Variants in CDH8 observed in about 807,000 individuals in gnomAD.
CDH8 encodes cadherin-8.
Under a neutral mutation model 68.1 loss-of-function variants are expected in CDH8, and 17 were observed. The observed-to-expected ratio is 0.25, with a 90% CI of 0.17 to 0.37. The LOEUF is 0.37. Ranked by LOEUF, CDH8 falls within the 10% of genes least tolerant of loss-of-function variation. The probability of loss-of-function intolerance (pLI) is 1.00; values close to 1 mark genes in which losing one functional copy is unlikely to be tolerated. For missense variants in CDH8, 763 were observed against 999.3 expected (o/e 0.76, Z 3.19); for synonymous variants, 372 against 365.1 (o/e 1.02, Z -0.21).
chr16:61,706,051 G>GA (rs1243780315), intron 10 of CDH8, among the ~76,000 whole-genome samples: 4 of 152,048 alleles, frequency 2.6e-5, no homozygotes, highest in East Asian at 3.9e-4. Context: ...ATGAATAAGG[G>GA]AAAAAAAGAT....
Position 61,652,201 on chromosome 16 carries a change from T to C in CDH8, c.*1407A>G. The C allele has an allele frequency of 1.0e-6, 1 of 982,372 alleles. No individual in the cohort carries two copies. The highest frequency in any genetic ancestry group is 1.2e-6 in the Non-Finnish European group (1 of 827,164). 60.9% of individuals were successfully genotyped at this position (982,372 alleles called of 1,614,324 possible). ...GGTTTGCATTACAAATTAAATATGC[T>C]CACATCTTCTAGTGCTGTTCCTTTT... On this transcript the variant is annotated 3_prime_UTR_variant, in exon 12 of 12. Coordinates refer to ENST00000577390, the MANE Select transcript of CDH8 (RefSeq NM_001796.5).
rs369895823 is a variant in CDH8, at chr16:61,789,880, G to A, written c.1278-398C>T. Among the ~76,000 whole-genome samples the A allele has an allele frequency of 3.2e-4, 49 of 152,050 alleles. 1 individual carries two copies. The South Asian group carries it at 0.01, about 32-fold the overall frequency. On this transcript the variant is annotated intron_variant, in intron 7 of 11. Transcript: ENST00000577390. ...AAGATGGCACTAGGCAGCATGTTAC[G>A]TATGTCCATTCAAATAAAACATGTA...
At chr16:61,742,441 T>A (rs1168660215) in intron 8 of CDH8, among the ~76,000 whole-genome samples, 1 of 152,102 alleles carries the variant, frequency 6.6e-6, no homozygotes, top group African/African-American at 2.4e-5. Context: ...GTGAGAAAGG[T>A]TTCAGCATTT....
At chr16:61,933,851 G>T (rs1964585409) in intron 2 of CDH8, among the ~76,000 whole-genome samples, 2 of 152,178 alleles carry the variant, frequency 1.3e-5, no homozygotes, top group South Asian at 4.1e-4. Context: ...TTCCCAAAGA[G>T]AGATACATAT....
intron 10 of CDH8, among the ~76,000 whole-genome samples, chr16:61,691,295 C>T (rs994069768): frequency 6.6e-6 from 1 of 151,960 alleles, no homozygotes; most frequent in Admixed American, 6.6e-5. Context: ...ATGCCTAGGC[C>T]ATTGCTGCAC....
intron 10 of CDH8, among the ~76,000 whole-genome samples, chr16:61,673,910 T>C (rs1963844946): frequency 6.6e-6 from 1 of 152,062 alleles, no homozygotes; most frequent in African/African-American, 2.4e-5. Context: ...TATGATAAGG[T>C]TCATGAATCT....
At chr16:61,987,375 C>T (rs1391883916) in intron 2 of CDH8, among the ~76,000 whole-genome samples, 2 of 151,942 alleles carry the variant, frequency 1.3e-5, no homozygotes, top group Non-Finnish European at 2.9e-5. Context: ...GGCATGGTGG[C>T]GGGTGTCTGT....
chr16:61,681,782 T>C (rs903951781), intron 10 of CDH8, among the ~76,000 whole-genome samples: 4 of 151,876 alleles, frequency 2.6e-5, no homozygotes, highest in African/African-American at 9.7e-5. Flanking sequence ...CCTTTGAAGA[T>C]TGGAAGAGTA....
At chr16:62,002,107 T>C (rs1597119032) in intron 2 of CDH8, among the ~76,000 whole-genome samples, 1 of 152,310 alleles carries the variant, frequency 6.6e-6, no homozygotes, top group Admixed American at 6.5e-5. Context: ...CCCTAGTAGA[T>C]ACTGTAGAAT....
chr16:61,901,435 C>T lies in CDH8; in HGVS notation c.291G>A (p.Lys97=), dbSNP rs772820922. 63 of 1,613,586 alleles carry T rather than the reference C, an allele frequency of 3.9e-5. No homozygotes were observed. Among genetic ancestry groups the T allele is most frequent in the Non-Finnish European group, 1.7e-6 (2 of 1,179,702 alleles). Residue 97 remains lysine (K), a synonymous_variant, in exon 3 of 12, where the codon AAG becomes AAA. Transcript: ENST00000577390. ...TDLDPGSKKI[K]YILSGDGAGT... is the part of the protein sequence containing the mutation. ...CAGCTCCATCACCTGATAGGATATA[C>T]TTGATTTTTTTGCTCCCAGGATCCA... is the stretch of plus-strand genomic sequence containing the variant.
At chr16:62,030,878 A>G (rs1374220297) in intron 1 of CDH8, among the ~76,000 whole-genome samples, 2 of 152,152 alleles carry the variant, frequency 1.3e-5, no homozygotes, top group Non-Finnish European at 2.9e-5. Context: ...CTGCTGATTA[A>G]TACAGAAGAG....
intron 2 of CDH8, among the ~76,000 whole-genome samples, chr16:61,935,173 C>T (rs1373870165): frequency 6.6e-6 from 1 of 152,118 alleles, no homozygotes; most frequent in Non-Finnish European, 1.5e-5. Flanking sequence ...AAAAGTAGAA[C>T]AGTTACAGTC....
At chr16:61,712,270 TAG>T (rs1360834056) in intron 10 of CDH8, among the ~76,000 whole-genome samples, 2 of 151,682 alleles carry the variant, frequency 1.3e-5, no homozygotes, top group African/African-American at 4.8e-5. Flanking sequence ...GTGTCAAAAT[TAG>T]ACTTTCCTTG....
At chr16:61,686,241 A>G (rs1394778774) in intron 10 of CDH8, among the ~76,000 whole-genome samples, 1 of 151,964 alleles carries the variant, frequency 6.6e-6, no homozygotes, top group African/African-American at 2.4e-5. Flanking sequence ...TTCGTCCAGG[A>G]ATACCTCCAA....
intron 8 of CDH8, among the ~76,000 whole-genome samples, chr16:61,742,664 C>T (rs1281564890): frequency 6.6e-6 from 1 of 152,028 alleles, no homozygotes; most frequent in Non-Finnish European, 1.5e-5. Context: ...TATAATCTGT[C>T]CTTGTATTCC....
At chr16:61,766,225 A>C (rs1960586800) in intron 8 of CDH8, among the ~76,000 whole-genome samples, 1 of 151,438 alleles carries the variant, frequency 6.6e-6, no homozygotes, top group African/African-American at 2.4e-5. Flanking sequence ...TGCCACTTAT[A>C]AGTGAGAACA....
chr16:61,893,617 G>A (rs889450566), intron 3 of CDH8, among the ~76,000 whole-genome samples: 1 of 152,068 alleles, frequency 6.6e-6, no homozygotes, highest in Non-Finnish European at 1.5e-5. Context: ...CTAGGGCTGG[G>A]CTAGAAAAAG....
intron 10 of CDH8, among the ~76,000 whole-genome samples, chr16:61,676,146 A>AG (rs563527373): frequency 2.1e-5 from 1 of 48,722 alleles, no homozygotes; most frequent in Non-Finnish European, 4.3e-5. Flanking sequence ...ACACACACTC[A>AG]AAAAAAAAAA....
At chr16:61,989,151 C>T (rs977463230) in intron 2 of CDH8, among the ~76,000 whole-genome samples, 11 of 152,218 alleles carry the variant, frequency 7.2e-5, no homozygotes, top group Middle Eastern at 3.4e-3. Flanking sequence ...GTTCTAACAT[C>T]TTAGTCAGAT....
Sources: allele counts gnomAD v4.1 joint callset (sites outside exome capture counted in the v4.1 genomes callset), GRCh38; gene constraint gnomAD v4.1.1; transcripts MANE v1.5; gene names NCBI Gene and HGNC (gene_info 2026-07-23, HGNC 2026-07-21).